Variants in ARID1B observed in about 807,000 individuals in gnomAD.
ARID1B encodes the protein AT-rich interactive domain-containing protein 1B.
In ARID1B, 30 loss-of-function variants were observed where a neutral mutation model predicts 212.3. That is an observed-to-expected ratio of 0.14 (90% confidence interval 0.11 to 0.19). The LOEUF is 0.19. Among genes scored for constraint, ARID1B ranks in the 10% least tolerant of loss-of-function variants. The pLI is 1.00. For synonymous variants in ARID1B, 1,402 were observed against 1,301.7 expected (o/e 1.08, Z -1.66); for missense variants, 2,891 against 3,204.0 (o/e 0.90, Z 2.36).
chr6:156,928,574 GGAA>G (rs1791434006), intron 3 of ARID1B, among the ~76,000 whole-genome samples: 1 of 152,146 alleles, frequency 6.6e-6, no homozygotes. Flanking sequence ...TAGAGATTTG[GGAA>G]TCACCACCAA....
At chr6:157,091,200 G>A (rs1452743750) in intron 5 of ARID1B, among the ~76,000 whole-genome samples, 4 of 152,186 alleles carry the variant, frequency 2.6e-5, no homozygotes, top group Non-Finnish European at 4.4e-5. Context: ...CCTAGAGGGC[G>A]AGAGATGCAT....
At chr6:156,782,169 C>T (rs1486031886) in intron 1 of ARID1B, among the ~76,000 whole-genome samples, 1 of 151,148 alleles carries the variant, frequency 6.6e-6, no homozygotes, top group African/African-American at 2.4e-5. Context: ...TACTAAGAAA[C>T]AGTCATTTGT....
chr6:156,822,196 G>A (rs1267299351), intron 1 of ARID1B, among the ~76,000 whole-genome samples: 5 of 152,124 alleles, frequency 3.3e-5, no homozygotes, highest in Non-Finnish European at 7.4e-5. Context: ...TGTACCATTG[G>A]AAAATGTGAC....
intron 4 of ARID1B, among the ~76,000 whole-genome samples, chr6:157,009,021 T>C (rs1293556752): frequency 6.6e-6 from 1 of 152,206 alleles, no homozygotes. Context: ...CAACCCTTCA[T>C]ATAATAAAAT....
At chr6:157,028,133 AC>A (rs11291109) in intron 4 of ARID1B, among the ~76,000 whole-genome samples, 5,034 of 152,230 alleles carry the variant, frequency 0.033, 274 homozygotes, top group African/African-American at 0.11. Flanking sequence ...TTGAATTATG[AC>A]CAAATTATAT....
chr6:157,139,244 C>T (rs1466216662), intron 7 of ARID1B, among the ~76,000 whole-genome samples: 2 of 152,206 alleles, frequency 1.3e-5, no homozygotes, highest in East Asian at 1.9e-4. Flanking sequence ...AGCGCACCAC[C>T]GTACGCACCA....
At chr6:156,806,851 C>T (rs1008468756) in intron 1 of ARID1B, among the ~76,000 whole-genome samples, 11 of 152,300 alleles carry the variant, frequency 7.2e-5, no homozygotes, top group South Asian at 2.1e-4. Context: ...TACTCAGCTC[C>T]GCTGAGGCAG....
At chr6:156,821,466 G>A (rs1782349205) in intron 1 of ARID1B, among the ~76,000 whole-genome samples, 1 of 152,212 alleles carries the variant, frequency 6.6e-6, no homozygotes, top group Non-Finnish European at 1.5e-5. Flanking sequence ...TAATACCAAT[G>A]GGTATAAATG....
chr6:156,814,452 C>CT (rs775073492), intron 1 of ARID1B, among the ~76,000 whole-genome samples: 3 of 152,126 alleles, frequency 2.0e-5, no homozygotes, highest in African/African-American at 4.8e-5. Context: ...CAGGGGACTT[C>CT]TTTTAAGTTC....
intron 3 of ARID1B, among the ~76,000 whole-genome samples, chr6:156,921,856 T>G (rs951549761): frequency 2.0e-5 from 3 of 151,644 alleles, no homozygotes; most frequent in Non-Finnish European, 4.4e-5. Flanking sequence ...TTTCTCTAGC[T>G]TTTTTTTTCT....
chr6:156,909,651 C>T (rs1789708480), intron 3 of ARID1B, among the ~76,000 whole-genome samples: 2 of 152,150 alleles, frequency 1.3e-5, no homozygotes, highest in Admixed American at 6.5e-5. Flanking sequence ...GTGCCTTGAC[C>T]TCTTGAAAAA....
intron 2 of ARID1B, among the ~76,000 whole-genome samples, chr6:156,841,572 C>T (rs1783905680): frequency 6.6e-6 from 1 of 152,150 alleles, no homozygotes; most frequent in African/African-American, 2.4e-5. Flanking sequence ...ACAGCAATCT[C>T]TGTGCCAGGT....
At chr6:157,066,172 T>C (rs1374913482) in intron 4 of ARID1B, among the ~76,000 whole-genome samples, 2 of 152,258 alleles carry the variant, frequency 1.3e-5, no homozygotes, top group African/African-American at 4.8e-5. Flanking sequence ...ACAAAACTTA[T>C]TCAAGGAGTT....
At chr6:156,834,166 CT>C (rs1322257570) in intron 2 of ARID1B, among the ~76,000 whole-genome samples, 1 of 152,168 alleles carries the variant, frequency 6.6e-6, no homozygotes, top group Non-Finnish European at 1.5e-5. Context: ...TGGTTTAAGA[CT>C]TAAAAATTCC....
chr6:156,930,649 TA>T (rs1791621034), intron 3 of ARID1B, among the ~76,000 whole-genome samples: 1 of 152,100 alleles, frequency 6.6e-6, no homozygotes, highest in South Asian at 2.1e-4. Flanking sequence ...AACCTAAATG[TA>T]CATCAATAAG....
At chr6:157,157,837 A>G (rs1790673300) in intron 8 of ARID1B, among the ~76,000 whole-genome samples, 2 of 152,190 alleles carry the variant, frequency 1.3e-5, no homozygotes, top group Admixed American at 1.3e-4. Context: ...AGCCTGGGCA[A>G]CGTAGTGAGC....
chr6:157,193,134 T>C (rs569161674), intron 15 of ARID1B, among the ~76,000 whole-genome samples: 40 of 152,334 alleles, frequency 2.6e-4, no homozygotes, highest in African/African-American at 9.1e-4. Context: ...TTTTATATGT[T>C]TAACAGAATA....
intron 5 of ARID1B, among the ~76,000 whole-genome samples, chr6:157,099,397 A>G (rs1785903363): frequency 6.6e-6 from 1 of 152,152 alleles, no homozygotes; most frequent in Non-Finnish European, 1.5e-5. Context: ...GTGGGAAGGT[A>G]TCTCCCCAAA....
At chr6:157,155,089 G>A (rs1263121786) in intron 8 of ARID1B, among the ~76,000 whole-genome samples, 1 of 152,090 alleles carries the variant, frequency 6.6e-6, no homozygotes. Context: ...GCACCTAAAA[G>A]GAAATACATG....
Sources: allele counts gnomAD v4.1 joint callset (sites outside exome capture counted in the v4.1 genomes callset), GRCh38; gene constraint gnomAD v4.1.1; transcripts MANE v1.5; gene names NCBI Gene and HGNC (gene_info 2026-07-23, HGNC 2026-07-21).